FRMD4A: variants seen among roughly 807,000 people sequenced by gnomAD.
FRMD4A encodes FERM domain containing 4A.
A neutral mutation model predicts 129.1 loss-of-function variants in FRMD4A; 29 were observed. The observed-to-expected ratio is 0.22, with a 90% CI of 0.17 to 0.31. The LOEUF is 0.31. Ranked by LOEUF, FRMD4A falls within the 10% of genes least tolerant of loss-of-function variation. The pLI is 1.00. For synonymous variants in FRMD4A, 634 were observed against 571.6 expected (o/e 1.11, Z -1.56); for missense variants, 1,272 against 1,375.8 (o/e 0.92, Z 1.19).
chr10:14,292,600 T>A (rs1239846551), intron 2 of FRMD4A, among the ~76,000 whole-genome samples: 1 of 152,110 alleles, frequency 6.6e-6, no homozygotes, highest in Non-Finnish European at 1.5e-5. Context: ...GAGATTGAGA[T>A]CATCCTGGCT....
rs75646973 is a variant in FRMD4A at position 13,804,017 on chromosome 10, T to C, written c.206+6797A>G. ...AGGGCACCGTTCTTTTTGTTTATCT[T>C]AGCTGCACACAGAAAGAGCTATGCT... On this transcript the variant is annotated intron_variant, in intron 4 of 24. Transcript: ENST00000357447. 7.9e-3 allele frequency among the ~76,000 whole-genome samples: 1,206 copies of C among 152,350 alleles called. 9 individuals are homozygous for C. Among genetic ancestry groups the C allele is most frequent in the Non-Finnish European group, 0.013 (857 of 68,030 alleles).
intron 2 of FRMD4A, among the ~76,000 whole-genome samples, chr10:14,201,227 G>A (rs948576632): frequency 2.0e-5 from 3 of 152,158 alleles, no homozygotes; most frequent in East Asian, 1.9e-4. Context: ...CCTCTTGCTC[G>A]CCAGTCCTTG....
chr10:13,912,527 T>G (rs986816428), intron 2 of FRMD4A, among the ~76,000 whole-genome samples: 1,798 of 94,594 alleles, frequency 0.019, 110 homozygotes, highest in South Asian at 0.023. Flanking sequence ...AGAATTTTTT[T>G]TTTTTTTTTT....
intron 5 of FRMD4A, among the ~76,000 whole-genome samples, chr10:13,785,406 G>GC (rs1406684249): frequency 6.6e-6 from 1 of 152,076 alleles, no homozygotes; most frequent in Non-Finnish European, 1.5e-5. Context: ...CCAAGCACCT[G>GC]CCCCCTGCTT....
chr10:13,993,833 A>C (rs2095612251), intron 2 of FRMD4A, among the ~76,000 whole-genome samples: 1 of 129,496 alleles, frequency 7.7e-6, no homozygotes, highest in Admixed American at 8.6e-5. Context: ...TTGACCTGTC[A>C]GAATAGGTTT....
Position 13,871,659 on chromosome 10 carries a change from C to T in FRMD4A, c.46-12747G>A, listed in dbSNP as rs185479883. On this transcript the variant is annotated intron_variant, in intron 2 of 24. Coordinates refer to ENST00000357447, the MANE Select transcript of FRMD4A (RefSeq NM_018027.5). Reference sequence around the variant, plus strand: ...GTTCTCCCTGCTCTGCCACTCCAGGCCTTCTCCAGACCTGGCCTGCAGAGA... The same window carrying T: ...GTTCTCCCTGCTCTGCCACTCCAGGTCTTCTCCAGACCTGGCCTGCAGAGA... Among the ~76,000 whole-genome samples the T allele has an allele frequency of 2.7e-3, 411 of 152,360 alleles. 2 individuals are homozygous for T. The highest frequency in any genetic ancestry group is 9.1e-3 in the African/African-American group (379 of 41,582).
intron 12 of FRMD4A, among the ~76,000 whole-genome samples, chr10:13,729,005 T>G (rs941483295): frequency 1.3e-5 from 2 of 152,242 alleles, no homozygotes; most frequent in Non-Finnish European, 2.9e-5. Context: ...TCTTAGAATA[T>G]GATTCCTTTT....
intron 8 of FRMD4A, among the ~76,000 whole-genome samples, chr10:13,748,174 G>C (rs549023067): frequency 2.6e-5 from 4 of 152,052 alleles, no homozygotes; most frequent in African/African-American, 9.7e-5. Context: ...GGTCCCCCAG[G>C]GCAGGATCTT....
At chr10:13,996,953 C>A (rs1320611379) in intron 2 of FRMD4A, among the ~76,000 whole-genome samples, 1 of 151,406 alleles carries the variant, frequency 6.6e-6, no homozygotes, top group Non-Finnish European at 1.5e-5. Flanking sequence ...AGCCCTGACC[C>A]ATGATTACAT....
At position 13,647,803 on chromosome 10, in the gene FRMD4A, T is replaced by G. The variant is rs536800681; in HGVS notation, c.*3-768A>C. 502 of 151,798 alleles carry G rather than the reference T, an allele frequency of 3.3e-3. 2 individuals are homozygous for G. Among genetic ancestry groups the G allele is most frequent in the African/African-American group, 0.012 (477 of 41,374 alleles). 9.4% of individuals were successfully genotyped at this position (151,798 alleles called of 1,614,324 possible). A position where few individuals can be genotyped will look rare whatever the true frequency, so the allele number is the denominator to read the frequency against. ...GTTGGGTAGAAGTAATTCTTAAATC[T>G]TAAGAAGCAATCATAGATATGTGGA... On this transcript the variant is annotated intron_variant, in intron 24 of 24. Coordinates refer to ENST00000357447, the MANE Select transcript of FRMD4A (RefSeq NM_018027.5).
At chr10:13,743,636 C>T (rs1042774859) in intron 9 of FRMD4A, among the ~76,000 whole-genome samples, 96 of 152,196 alleles carry the variant, frequency 6.3e-4, no homozygotes, top group African/African-American at 2.2e-3. Context: ...TCTGGGTGGC[C>T]GACAGCAGCA....
intron 2 of FRMD4A, among the ~76,000 whole-genome samples, chr10:14,291,583 T>C (rs1360099591): frequency 6.6e-6 from 1 of 152,070 alleles, no homozygotes; most frequent in Non-Finnish European, 1.5e-5. Context: ...AAAATAATAA[T>C]TCAACAAAAT....
At chr10:14,069,435 C>T (rs7091342) in intron 2 of FRMD4A, among the ~76,000 whole-genome samples, 4,808 of 152,118 alleles carry the variant, frequency 0.032, 190 homozygotes, top group East Asian at 0.13. Context: ...AGGGAGAGGG[C>T]TCATAAGTTT....
At chr10:13,710,854 A>C (rs776435720) in intron 12 of FRMD4A, among the ~76,000 whole-genome samples, 4 of 152,138 alleles carry the variant, frequency 2.6e-5, no homozygotes, top group Non-Finnish European at 2.9e-5. Flanking sequence ...TCTCTGCGAA[A>C]AATACAAAAT....
Position 14,279,395 on chromosome 10 carries a change from C to T in FRMD4A, c.45+50663G>A, listed in dbSNP as rs1371911410. Among the ~76,000 whole-genome samples, 3 of 152,036 alleles carry T rather than the reference C, an allele frequency of 2.0e-5. No homozygotes were observed. The East Asian group carries it at 5.8e-4, about 29-fold the overall frequency. ...TGTATTTTTAGTAGAGATGGGGTTT[C>T]ACCAGGTTGGCCAGGCTGGTCTCAA... On this transcript the variant is annotated intron_variant, in intron 2 of 24. Coordinates refer to ENST00000357447, the MANE Select transcript of FRMD4A (RefSeq NM_018027.5).
At chr10:14,255,104 GCTAT>G (rs1371848531) in intron 2 of FRMD4A, among the ~76,000 whole-genome samples, 2 of 152,208 alleles carry the variant, frequency 1.3e-5, no homozygotes, top group Non-Finnish European at 2.9e-5. Context: ...ATCAGCAGTG[GCTAT>G]CTGTTGGTTG....
At chr10:13,776,368 C>T (rs1165316715) in intron 6 of FRMD4A, among the ~76,000 whole-genome samples, 1 of 152,222 alleles carries the variant, frequency 6.6e-6, no homozygotes, top group Non-Finnish European at 1.5e-5. Context: ...ACCTCAGCCT[C>T]CCAAAGTGCT....
intron 2 of FRMD4A, among the ~76,000 whole-genome samples, chr10:13,990,299 G>T (rs182237289): frequency 1.8e-3 from 281 of 152,296 alleles, no homozygotes; most frequent in African/African-American, 6.3e-3. Context: ...GCCTGGATTT[G>T]CTCCTGGCCA....
intron 2 of FRMD4A, among the ~76,000 whole-genome samples, chr10:14,285,801 G>A (rs762194793): frequency 3.3e-5 from 5 of 152,256 alleles, no homozygotes; most frequent in East Asian, 3.9e-4. Context: ...ATGATCCGAC[G>A]TCAGGGATCA....
Sources: gnomAD v4.1 joint callset for allele counts (sites outside exome capture counted in the v4.1 genomes callset) on GRCh38, gnomAD v4.1.1 for gene constraint, MANE v1.5 for transcripts, NCBI Gene and HGNC (gene_info 2026-07-23, HGNC 2026-07-21) for gene names.